The following CYP2C19 variants were observed in gnomAD, a reference collection of about 807,000 sequenced individuals.
The protein encoded by CYP2C19 is cytochrome P450 family 2 subfamily C member 19.
Under a neutral mutation model 40.9 loss-of-function variants are expected in CYP2C19, and 59 were observed. The observed-to-expected ratio is 1.44, with a 90% CI of 1.17 to 1.79. The LOEUF is 1.79. Ranked by LOEUF, CYP2C19 falls within the 40% of genes most tolerant of loss-of-function variation. CYP2C19 has a pLI of 0.00. For synonymous variants in CYP2C19, 253 were observed against 208.7 expected, an observed-to-expected ratio of 1.21 and a Z score of -1.83; for missense variants, 754 against 596.9, an observed-to-expected ratio of 1.26 and a Z score of -2.74.
intron 5 of CYP2C19, among the ~76,000 whole-genome samples, chr10:94,794,577 G>T (rs369887659): frequency 5.3e-5 from 8 of 152,026 alleles, no homozygotes; most frequent in African/African-American, 1.7e-4. Context: ...CTTTTATTTT[G>T]TTGAGCAGTG....
intron 7 of CYP2C19, among the ~76,000 whole-genome samples, chr10:94,846,595 T>C (rs1849575611): frequency 6.6e-6 from 1 of 152,156 alleles, no homozygotes; most frequent in Non-Finnish European, 1.5e-5. Flanking sequence ...GGCCTGATGA[T>C]CTTGACCTGA....
At chr10:94,832,783 T>G (rs1849353416) in intron 6 of CYP2C19, among the ~76,000 whole-genome samples, 1 of 152,188 alleles carries the variant, frequency 6.6e-6, no homozygotes, top group South Asian at 2.1e-4. Context: ...AAGATTTTTT[T>G]TCTATTTCTG....
At position 94,838,796 on chromosome 10, in the gene CYP2C19, C is replaced by T. The variant is rs147210488; in HGVS notation, c.962-4041C>T. Reference sequence around the variant, plus strand: ...TGAAAAGAAAGTTGTACATATGGCACTTCACTCCATTTGCCTTTTTCCTAC... The same window carrying T: ...TGAAAAGAAAGTTGTACATATGGCATTTCACTCCATTTGCCTTTTTCCTAC... On this transcript the variant is annotated intron_variant, in intron 6 of 8. Coordinates refer to ENST00000371321, the MANE Select transcript of CYP2C19 (RefSeq NM_000769.4). 4.7e-3 allele frequency among the ~76,000 whole-genome samples: 711 copies of T among 150,914 alleles called. 3 individuals are homozygous for T. The highest frequency in any genetic ancestry group is 0.017 in the African/African-American group (686 of 40,984).
At chr10:94,815,867 T>G (rs200948277) in intron 5 of CYP2C19, among the ~76,000 whole-genome samples, 1 of 152,214 alleles carries the variant, frequency 6.6e-6, no homozygotes, top group Non-Finnish European at 1.5e-5. Context: ...CAGGCAATAT[T>G]GAGTCCATGT....
intron 5 of CYP2C19, among the ~76,000 whole-genome samples, chr10:94,793,997 G>A (rs533550387): frequency 1.3e-5 from 2 of 152,146 alleles, no homozygotes; most frequent in Admixed American, 6.5e-5. Flanking sequence ...TTGAGGTGCG[G>A]TGGTCTCCAC....
At chr10:94,814,567 C>T (rs1041888495) in intron 5 of CYP2C19, among the ~76,000 whole-genome samples, 89 of 151,580 alleles carry the variant, frequency 5.9e-4, no homozygotes, top group Admixed American at 3.0e-3. Flanking sequence ...CTAGCTATGG[C>T]CAATATCAGC....
intron 6 of CYP2C19, among the ~76,000 whole-genome samples, chr10:94,836,702 C>A (rs1172573944): frequency 6.6e-6 from 1 of 152,124 alleles, no homozygotes; most frequent in Admixed American, 6.5e-5. Context: ...GGCCCTGGTG[C>A]CTTTGGATAA....
intron 1 of CYP2C19, among the ~76,000 whole-genome samples, chr10:94,773,198 C>A (rs1196641523): frequency 6.6e-6 from 1 of 152,146 alleles, no homozygotes; most frequent in Non-Finnish European, 1.5e-5. Flanking sequence ...TGGCAATAGG[C>A]AAAAGTCCCT....
intron 5 of CYP2C19, among the ~76,000 whole-genome samples, chr10:94,819,129 C>T (rs1849068166): frequency 6.6e-6 from 1 of 150,530 alleles, no homozygotes; most frequent in East Asian, 2.0e-4. Context: ...CAACCTGCTC[C>T]TGAATGACTA....
intron 6 of CYP2C19, among the ~76,000 whole-genome samples, chr10:94,825,977 G>C (rs1297937168): frequency 4.7e-5 from 7 of 150,200 alleles, no homozygotes; most frequent in Non-Finnish European, 1.0e-4. Context: ...TAGATATGTG[G>C]CGTTATTTCT....
rs529740132 is a variant in CYP2C19, at chr10:94,828,888, G to T, written c.961+8251G>T. 9.4e-4 allele frequency among the ~76,000 whole-genome samples: 143 copies of T among 152,158 alleles called. 2 individuals carry two copies. The South Asian group carries it at 0.022, about 23-fold the overall frequency. ...TGACAAAATCTCTCAGCATTTGCTT[G>T]TCTGTAAAGGATTTTATTTCTCCTT... On this transcript the variant is annotated intron_variant, in intron 6 of 8. Transcript: ENST00000371321.
intron 5 of CYP2C19, among the ~76,000 whole-genome samples, chr10:94,797,862 C>T (rs1848710219): frequency 6.6e-6 from 1 of 151,990 alleles, no homozygotes; most frequent in Non-Finnish European, 1.5e-5. Flanking sequence ...TTTATTACAT[C>T]TATTTGATTC....
At chr10:94,824,102 T>G (rs931602958) in intron 6 of CYP2C19, among the ~76,000 whole-genome samples, 1 of 152,176 alleles carries the variant, frequency 6.6e-6, no homozygotes, top group Non-Finnish European at 1.5e-5. Flanking sequence ...AATAAAGAGA[T>G]GTGGTTAAGT....
At chr10:94,813,169 C>T (rs559021832) in intron 5 of CYP2C19, among the ~76,000 whole-genome samples, 4 of 152,054 alleles carry the variant, frequency 2.6e-5, no homozygotes, top group Non-Finnish European at 4.4e-5. Context: ...CCACTCCAAA[C>T]CTTGTTTGAC....
chr10:94,797,623 T>G (rs982002762), intron 5 of CYP2C19, among the ~76,000 whole-genome samples: 1 of 151,248 alleles, frequency 6.6e-6, no homozygotes, highest in African/African-American at 2.4e-5. Flanking sequence ...GGTCCTGAAC[T>G]TTTTTTTTGG....
At chr10:94,842,020 T>C (rs1302545264) in intron 6 of CYP2C19, among the ~76,000 whole-genome samples, 8 of 152,330 alleles carry the variant, frequency 5.3e-5, no homozygotes, top group Admixed American at 5.2e-4. Context: ...TGGTCTATAG[T>C]GCAGATGAAG....
intron 6 of CYP2C19, among the ~76,000 whole-genome samples, chr10:94,823,057 A>G (rs892214163): frequency 8.5e-5 from 13 of 152,170 alleles, no homozygotes; most frequent in African/African-American, 2.9e-4. Flanking sequence ...ACAGAGAGCA[A>G]ATGGAGGAAT....
At chr10:94,829,588 C>T (rs565655510) in intron 6 of CYP2C19, among the ~76,000 whole-genome samples, 6 of 152,056 alleles carry the variant, frequency 3.9e-5, no homozygotes, top group Non-Finnish European at 8.8e-5. Context: ...AACTTCTTTG[C>T]CTTTGGTTTG....
chr10:94,832,801 T>A lies in CYP2C19; in HGVS notation c.962-10036T>A, dbSNP rs558528873. 3.3e-5 allele frequency among the ~76,000 whole-genome samples: 5 copies of A among 152,298 alleles called. No individual in the cohort carries two copies. The South Asian group carries it at 8.3e-4, about 25-fold the overall frequency. On this transcript the variant is annotated intron_variant, in intron 6 of 8. Transcript: ENST00000371321. Reference sequence around the variant, plus strand: ...ATTTTTTTTCTATTTCTGTGAAGAATGTCATTTGTAATTTGATGGGGATTT... The same window carrying A: ...ATTTTTTTTCTATTTCTGTGAAGAAAGTCATTTGTAATTTGATGGGGATTT...
Sources: gnomAD v4.1 joint callset for allele counts (sites outside exome capture counted in the v4.1 genomes callset) on GRCh38, gnomAD v4.1.1 for gene constraint, MANE v1.5 for transcripts, NCBI Gene and HGNC (gene_info 2026-07-23, HGNC 2026-07-21) for gene names.